The following NPC1 variants were observed in gnomAD, a reference collection of about 807,000 sequenced individuals.
NPC1 encodes the protein Niemann-Pick C1 protein.
In NPC1, 85 loss-of-function variants were observed where a neutral mutation model predicts 140.4. The observed-to-expected ratio is 0.61, with a 90% CI of 0.51 to 0.72. The LOEUF (loss-of-function observed/expected upper bound fraction) is 0.72, where lower values mean the gene tolerates loss of function less well. Ranked by LOEUF, NPC1 falls within the 30% of genes least tolerant of loss-of-function variation. NPC1 has a pLI of 0.00. For synonymous variants in NPC1, 656 were observed against 624.8 expected, an observed-to-expected ratio of 1.05 and a Z score of -0.74; for missense variants, 1,504 against 1,623.8, an observed-to-expected ratio of 0.93 and a Z score of 1.27.
Position 23,544,940 on chromosome 18 carries a change from A to ACCAC in NPC1, c.1947+16_1947+19dup, listed in dbSNP as rs1555634597. On this transcript the variant is annotated intron_variant, in intron 12 of 24. Coordinates refer to ENST00000269228, the MANE Select transcript of NPC1 (RefSeq NM_000271.5). Reference sequence around the variant, plus strand: ...ACTGCTGTTAACCTCTAGAACATACACCACCCCCCCCCGGCTTACCAGAAG... The same window carrying ACCAC: ...ACTGCTGTTAACCTCTAGAACATACACCACCCACCCCCCCCCGGCTTACCAGAAG... 1.2e-4 allele frequency: 139 copies of ACCAC among 1,206,186 alleles called. 5 individuals carry two copies. In the Middle Eastern group the frequency reaches 3.7e-3, roughly 32 times the overall value. 74.7% of individuals were successfully genotyped at this position (1,206,186 alleles called of 1,614,324 possible). A position where few individuals can be genotyped will look rare whatever the true frequency, so the allele number is the denominator to read the frequency against.
At chr18:23,529,105 C>A, downstream of NPC1, 1 of 1,551,182 alleles carries the variant, frequency 6.4e-7, no homozygotes, top group Non-Finnish European at 8.7e-7. Flanking sequence ...GAATTCAGTC[C>A]TTGTGGATGA....
chr18:23,538,535 C>G lies in NPC1; in HGVS notation c.3041+7G>C, dbSNP rs780132346. The stretch of plus-strand genomic sequence containing the variant: ...GGATGCTTATCTGCAATGGCAGCAG[C>G]ACTTACCCTTTGCCACACTTGGGGT... On this transcript the variant is annotated splice_region_variant and intron_variant, in intron 20 of 24. Transcript: ENST00000269228. 6.2e-6 allele frequency: 10 copies of G among 1,614,136 alleles called. No individual in the cohort carries two copies. In the South Asian group the frequency reaches 1.1e-4, roughly 18 times the overall value.
At chr18:23,544,819 A>T in intron 12 of NPC1, 141 bp downstream of exon 12, 1 of 724,522 alleles carries the variant, frequency 1.4e-6, no homozygotes, top group Middle Eastern at 3.7e-4. Flanking sequence ...TAGGCAACAG[A>T]AACGTTACAT....
intron 6 of NPC1, among the ~76,000 whole-genome samples, chr18:23,558,741 CTTTAAG>C (rs2058992032): frequency 6.6e-6 from 1 of 151,790 alleles, no homozygotes; most frequent in Non-Finnish European, 1.5e-5. Context: ...TATTATTATA[CTTTAAG>C]TTTTAGGGTG....
downstream of NPC1, chr18:23,530,291 G>A: frequency 6.2e-7 from 1 of 1,614,236 alleles, no homozygotes; most frequent in East Asian, 2.2e-5. Flanking sequence ...CTCTGGACAT[G>A]CTGAAGGTAA....
Position 23,550,994 on chromosome 18 carries a change from G to GA in NPC1, c.1654+632dup, listed in dbSNP as rs567859988. ...CTCCCCTGCCACCAAGTGAGGAGAA[G>GA]AAAACCTATCTGGATTCTTAACTGG... On this transcript the variant is annotated intron_variant, in intron 10 of 24. Coordinates refer to ENST00000269228, the MANE Select transcript of NPC1 (RefSeq NM_000271.5). Among the ~76,000 whole-genome samples the GA allele has an allele frequency of 3.7e-3, 565 of 152,300 alleles. 3 individuals are homozygous for GA. Among genetic ancestry groups the GA allele is most frequent in the Middle Eastern group, 0.031 (9 of 294 alleles).
intron 3 of NPC1, among the ~76,000 whole-genome samples, chr18:23,571,579 C>T (rs958097935): frequency 1.3e-5 from 2 of 151,794 alleles, no homozygotes; most frequent in East Asian, 3.9e-4. Context: ...ATCGCTTGAA[C>T]CCGGGAGGAG....
rs769433964 is a variant in NPC1, at chr18:23,509,325, G to A, written c.432-2683C>T. On this transcript the variant is annotated intron_variant, in intron 3 of 3. Coordinates refer to the NPC1 transcript ENST00000591107. Reference sequence around the variant, plus strand: ...GTTTGTTGGTTAAAGTTCAGTGATAGCATTCTGGCAGCCTTTTGAATTCAG... The same window carrying A: ...GTTTGTTGGTTAAAGTTCAGTGATAACATTCTGGCAGCCTTTTGAATTCAG... 2.3e-5 allele frequency: 21 copies of A among 910,310 alleles called. No individual in the cohort carries two copies. In the East Asian group the frequency reaches 6.3e-4, roughly 27 times the overall value. The allele number at this position is 910,310 out of a possible 1,614,324, so 56.4% of individuals were successfully genotyped here.
At chr18:23,553,955 T>A (rs1258109526) in intron 9 of NPC1, among the ~76,000 whole-genome samples, 1 of 152,172 alleles carries the variant, frequency 6.6e-6, no homozygotes, top group Non-Finnish European at 1.5e-5. Context: ...GGGCTATATA[T>A]CTGAGACAGA....
At position 23,556,535 on chromosome 18, in the gene NPC1, A is replaced by C. The variant is rs1303376855; in HGVS notation, c.1034T>G (p.Phe345Cys). The change falls in exon 8 of 25, where the codon TTC becomes TGC. Residue 345 changes from phenylalanine to cysteine, a missense_variant. Physicochemically the swap from Phe to Cys is radical, Grantham distance 205 (BLOSUM62 -2). Coordinates refer to ENST00000269228, the MANE Select transcript of NPC1 (RefSeq NM_000271.5). ...GACACAGCCAGGGTTTCGGACGCAG[A>C]AAGACCCCCAGCGTGTGAACAGCCG... ...LRRLFTRWGS[F>C]CVRNPGCVIF... 1.2e-6 allele frequency: 2 copies of C among 1,614,170 alleles called. No homozygotes were observed. The highest frequency in any genetic ancestry group is 1.7e-6 in the Non-Finnish European group (2 of 1,180,028).
At chr18:23,578,386 A>C (rs2059317596) in intron 1 of NPC1, among the ~76,000 whole-genome samples, 1 of 152,236 alleles carries the variant, frequency 6.6e-6, no homozygotes, top group Non-Finnish European at 1.5e-5. Flanking sequence ...CTGCATCATG[A>C]AAGTCCTCCC....
intron 4 of NPC1, among the ~76,000 whole-genome samples, chr18:23,566,912 C>T (rs1471850689): frequency 6.6e-6 from 1 of 152,166 alleles, no homozygotes; most frequent in Admixed American, 6.5e-5. Flanking sequence ...TGTAGAACGT[C>T]ATATAGTGGA....
At chr18:23,517,345 T>C (rs1412389110), downstream of NPC1, among the ~76,000 whole-genome samples, 1 of 152,104 alleles carries the variant, frequency 6.6e-6, no homozygotes, top group East Asian at 1.9e-4. Flanking sequence ...AGACAGGGTT[T>C]CACCATGTTG....
intron 4 of NPC1, among the ~76,000 whole-genome samples, chr18:23,566,684 T>C (rs1175587083): frequency 1.3e-5 from 2 of 152,144 alleles, no homozygotes; most frequent in African/African-American, 4.8e-5. Flanking sequence ...GTAAACACAA[T>C]CCTGAATTTG....
chr18:23,528,078 G>A (rs978729996), downstream of NPC1: 3 of 550,508 alleles, frequency 5.4e-6, no homozygotes, highest in African/African-American at 3.9e-5. Context: ...GTAAATTCAG[G>A]GTCCCTGCAT....
intron 3 of NPC1, among the ~76,000 whole-genome samples, chr18:23,571,244 A>C (rs889218226): frequency 6.7e-6 from 1 of 149,388 alleles, no homozygotes; most frequent in Non-Finnish European, 1.5e-5. Context: ...AAAAAAAAAA[A>C]AAACTGGCTG....
intron 3 of NPC1, among the ~76,000 whole-genome samples, chr18:23,509,441 C>T (rs2057791245): frequency 6.6e-6 from 1 of 151,756 alleles, no homozygotes; most frequent in Non-Finnish European, 1.5e-5. Flanking sequence ...ACCATCATGG[C>T]TCACTGTAAT....
intron 8 of NPC1, 78 bp downstream of exon 8, chr18:23,556,165 C>G: frequency 7.9e-7 from 1 of 1,265,662 alleles, no homozygotes; most frequent in Non-Finnish European, 1.2e-6. Flanking sequence ...AAATCCCCAT[C>G]TAGCAGTAGT....
At chr18:23,556,926 T>G (rs2058961977) in intron 7 of NPC1, among the ~76,000 whole-genome samples, 191 bp downstream of exon 7, 1 of 152,234 alleles carries the variant, frequency 6.6e-6, no homozygotes, top group Non-Finnish European at 1.5e-5. Flanking sequence ...GATTAATTAC[T>G]TGGTTCTGCT....
Sources: allele counts gnomAD v4.1 joint callset (sites outside exome capture counted in the v4.1 genomes callset), GRCh38; gene constraint gnomAD v4.1.1; transcripts MANE v1.5; gene names NCBI Gene and HGNC (gene_info 2026-07-23, HGNC 2026-07-21).